The following CDKAL1 variants were observed in gnomAD, a reference collection of about 807,000 sequenced individuals.
The protein encoded by CDKAL1 is threonylcarbamoyladenosine tRNA methylthiotransferase.
Under a neutral mutation model 68.2 loss-of-function variants are expected in CDKAL1, and 32 were observed. That is an observed-to-expected ratio of 0.47 (90% CI 0.35 to 0.63). The LOEUF (loss-of-function observed/expected upper bound fraction) is 0.63. Ranked by LOEUF, CDKAL1 falls within the 30% of genes least tolerant of loss-of-function variation. The pLI is 0.00. For synonymous variants in CDKAL1, 234 were observed against 244.3 expected (o/e 0.96, Z 0.39); for missense variants, 606 against 696.7 (o/e 0.87, Z 1.47).
intron 4 of CDKAL1, among the ~76,000 whole-genome samples, chr6:20,555,522 T>C (rs777138701): frequency 6.6e-6 from 1 of 151,492 alleles, no homozygotes; most frequent in Non-Finnish European, 1.5e-5. Context: ...GGTTTCACCT[T>C]GTTGGTCAGG....
At chr6:21,016,727 T>C (rs1380204393) in intron 11 of CDKAL1, among the ~76,000 whole-genome samples, 1 of 152,086 alleles carries the variant, frequency 6.6e-6, no homozygotes, top group Non-Finnish European at 1.5e-5. Context: ...AAACTTTTTT[T>C]GGACTTCCTC....
chr6:21,187,643 T>C (rs912863218), intron 13 of CDKAL1, among the ~76,000 whole-genome samples: 2 of 152,228 alleles, frequency 1.3e-5, no homozygotes, highest in Non-Finnish European at 2.9e-5. Context: ...CCCATGCTTT[T>C]GGAATGAGGA....
At chr6:21,049,149 A>C (rs1235804846) in intron 11 of CDKAL1, among the ~76,000 whole-genome samples, 1 of 152,170 alleles carries the variant, frequency 6.6e-6, no homozygotes, top group Non-Finnish European at 1.5e-5. Context: ...ACTGATGCTG[A>C]ATATACTCTG....
chr6:20,780,139 C>T (rs1277315824), intron 7 of CDKAL1, among the ~76,000 whole-genome samples: 2 of 148,116 alleles, frequency 1.4e-5, no homozygotes, highest in East Asian at 3.9e-4. Flanking sequence ...GCAATATGTC[C>T]ATATAGAAAG....
At chr6:20,945,908 G>T (rs1375370811) in intron 9 of CDKAL1, among the ~76,000 whole-genome samples, 6 of 151,984 alleles carry the variant, frequency 3.9e-5, no homozygotes, top group Non-Finnish European at 8.8e-5. Context: ...AATTAATTTT[G>T]TTCTGAAAGA....
chr6:21,167,643 C>T (rs892212734), intron 13 of CDKAL1, among the ~76,000 whole-genome samples: 3 of 152,200 alleles, frequency 2.0e-5, no homozygotes, highest in Admixed American at 1.3e-4. Context: ...AATGCCCACT[C>T]TCAGATGGCT....
At chr6:20,964,356 G>A (rs113613346) in intron 10 of CDKAL1, among the ~76,000 whole-genome samples, 5 of 152,270 alleles carry the variant, frequency 3.3e-5, no homozygotes, top group African/African-American at 1.2e-4. Context: ...AGTCACATGC[G>A]TGGGTATGTT....
chr6:20,806,133 G>A (rs1470376333), intron 8 of CDKAL1, among the ~76,000 whole-genome samples: 3 of 152,178 alleles, frequency 2.0e-5, no homozygotes, highest in Admixed American at 6.5e-5. Flanking sequence ...CTCACACTTC[G>A]CACATCCTCT....
intron 5 of CDKAL1, among the ~76,000 whole-genome samples, chr6:20,696,954 A>AT (rs1364495284): frequency 1.3e-5 from 2 of 152,232 alleles, no homozygotes; most frequent in African/African-American, 4.8e-5. Context: ...GATTAAAAAA[A>AT]ATCCTATGTG....
chr6:21,056,385 CTT>C (rs1418788635), intron 11 of CDKAL1, among the ~76,000 whole-genome samples: 5 of 152,094 alleles, frequency 3.3e-5, no homozygotes, highest in African/African-American at 1.2e-4. Flanking sequence ...TATCCTGAGA[CTT>C]TGCTGAAATT....
chr6:20,854,797 T>C (rs1759236359), intron 9 of CDKAL1, among the ~76,000 whole-genome samples: 1 of 152,240 alleles, frequency 6.6e-6, no homozygotes, highest in Non-Finnish European at 1.5e-5. Context: ...TACTCTTTTG[T>C]GCTCTATAAA....
rs1304578106 is a variant in CDKAL1 at position 20,942,936 on chromosome 6, A to G, written c.743-12483A>G. Among the ~76,000 whole-genome samples, 3 of 139,956 alleles carry G rather than the reference A, an allele frequency of 2.1e-5. No individual in the cohort carries two copies. The Admixed American group carries it at 2.2e-4, about 10-fold the overall frequency. The allele number at this position is 139,956 out of a possible 152,430, so 91.8% of individuals were successfully genotyped here. ...CGCCACTGCACTCCAGCCTGGTGAC[A>G]GAGCAAGATTCTGTCTCAAAAAAAA... On this transcript the variant is annotated intron_variant, in intron 9 of 15. Transcript: ENST00000274695.
intron 10 of CDKAL1, among the ~76,000 whole-genome samples, chr6:20,982,048 C>CTTAT (rs35693086): frequency 0.27 from 39,725 of 146,966 alleles, 5,525 homozygotes; most frequent in South Asian, 0.37. Context: ...GAAGGAAATT[C>CTTAT]TTATTTATTT....
At chr6:20,959,542 C>G (rs200066343) in intron 10 of CDKAL1, among the ~76,000 whole-genome samples, 1 of 150,972 alleles carries the variant, frequency 6.6e-6, no homozygotes, top group Non-Finnish European at 1.5e-5. Context: ...GATATCTCCT[C>G]TATATCTTTT....
chr6:20,801,364 A>G (rs1294863912), intron 8 of CDKAL1, among the ~76,000 whole-genome samples: 1 of 152,242 alleles, frequency 6.6e-6, no homozygotes, highest in Non-Finnish European at 1.5e-5. Context: ...GAAAAATTTC[A>G]AATGGACAGC....
chr6:20,745,424 C>A (rs572009550), intron 6 of CDKAL1, among the ~76,000 whole-genome samples: 1 of 152,124 alleles, frequency 6.6e-6, no homozygotes. Flanking sequence ...GCCCCTACTT[C>A]GAACATTTCT....
intron 13 of CDKAL1, among the ~76,000 whole-genome samples, chr6:21,180,974 A>G (rs1777764750): frequency 6.6e-6 from 1 of 152,212 alleles, no homozygotes; most frequent in Non-Finnish European, 1.5e-5. Flanking sequence ...CGTGAAGTCC[A>G]AGAGCCTGGC....
At chr6:21,082,000 A>G (rs983120246) in intron 12 of CDKAL1, among the ~76,000 whole-genome samples, 4 of 144,274 alleles carry the variant, frequency 2.8e-5, no homozygotes, top group African/African-American at 1.0e-4. Context: ...AGCTATGTAT[A>G]ATGTTAACTG....
At chr6:20,552,918 T>C (rs537308571) in intron 4 of CDKAL1, among the ~76,000 whole-genome samples, 108 of 152,332 alleles carry the variant, frequency 7.1e-4, no homozygotes, top group Non-Finnish European at 1.4e-3. Flanking sequence ...GTAGTCACTT[T>C]CATTACTATG....
Sources: gnomAD v4.1 joint callset for allele counts (sites outside exome capture counted in the v4.1 genomes callset) on GRCh38, gnomAD v4.1.1 for gene constraint, MANE v1.5 for transcripts, NCBI Gene and HGNC (gene_info 2026-07-23, HGNC 2026-07-21) for gene names.